Variants in SMAD6 observed in about 807,000 individuals in gnomAD.
SMAD6 encodes the protein MAD homolog 6.
SMAD6 carries 103 observed loss-of-function variants against 39.4 expected under a neutral mutation model. That is an observed-to-expected ratio of 2.62 (90% confidence interval 2.23 to 3.08). The LOEUF (loss-of-function observed/expected upper bound fraction) is 3.08. Ranked by LOEUF, SMAD6 falls within the 30% of genes most tolerant of loss-of-function variation. The pLI, the probability that SMAD6 is intolerant of heterozygous loss-of-function variation, is 0.00. For synonymous variants in SMAD6, 445 were observed against 353.3 expected (o/e 1.26, Z -2.91); for missense variants, 1,104 against 742.9 (o/e 1.49, Z -5.65).
intron 3 of SMAD6, among the ~76,000 whole-genome samples, chr15:66,753,275 G>C (rs138321251): frequency 6.6e-6 from 1 of 152,178 alleles, no homozygotes; most frequent in African/African-American, 2.4e-5. Context: ...AAGAGGGTGT[G>C]CCCAGGGAGG....
chr15:66,703,987 C>T lies in SMAD6; in HGVS notation c.729C>T (p.Pro243=), dbSNP rs1893048853. Residue 243 remains proline, a synonymous_variant, in exon 1 of 4, where the codon CCC becomes CCT. Coordinates refer to ENST00000288840, the MANE Select transcript of SMAD6 (RefSeq NM_005585.5). Reference sequence around the variant, plus strand: ...TGCAGCACGCCGTGGAGCTGAAGCCCCTGTGCGGCTGCCACAGCTTCGCCG... The same window carrying T: ...TGCAGCACGCCGTGGAGCTGAAGCCTCTGTGCGGCTGCCACAGCTTCGCCG... ...PDLQHAVELK[P]LCGCHSFAAA... The T allele has an allele frequency of 1.3e-6, 2 of 1,482,640 alleles. No homozygotes were observed. The highest frequency in any genetic ancestry group is 1.3e-5 in the South Asian group (1 of 78,882). 91.8% of individuals were successfully genotyped at this position (1,482,640 alleles called of 1,614,324 possible).
chr15:66,781,339 C>T lies in SMAD6; in HGVS notation c.1295C>T (p.Pro432Leu), dbSNP rs1363117493. ...GCCCTGGTCGTGCGCAAGGTGCCCC[C>T]CGGCTACTCCATCAAGGTGTTCGAC... ...GRALVVRKVP[P>L]GYSIKVFDFE... The change falls in exon 4 of 4, where the codon CCC becomes CTC. Residue 432 changes from proline to leucine, a missense_variant. Transcript: ENST00000288840. The T allele has an allele frequency of 6.3e-7, 1 of 1,599,022 alleles. No individual in the cohort carries two copies.
rs556285292 is a variant in SMAD6 at position 66,712,285 on chromosome 15, G to T, written c.874+561G>T. 5.9e-5 allele frequency among the ~76,000 whole-genome samples: 9 copies of T among 152,338 alleles called. No individual in the cohort carries two copies. In the South Asian group the frequency reaches 1.9e-3, roughly 32 times the overall value. Reference sequence around the variant, plus strand: ...ATGGACTGTCCCCTAGGTGAGCTTAGTGGAGTTGGTAATTTTAGACAACTC... The same window carrying T: ...ATGGACTGTCCCCTAGGTGAGCTTATTGGAGTTGGTAATTTTAGACAACTC... On this transcript the variant is annotated intron_variant, in intron 2 of 3. Transcript: ENST00000288840.
intron 3 of SMAD6, among the ~76,000 whole-genome samples, chr15:66,750,771 C>T (rs1197241238): frequency 6.6e-6 from 1 of 152,140 alleles, no homozygotes; most frequent in African/African-American, 2.4e-5. Context: ...CAATACAGAA[C>T]TCACCCCTGC....
intron 2 of SMAD6, among the ~76,000 whole-genome samples, chr15:66,712,175 C>T (rs547879937): frequency 6.6e-6 from 1 of 152,270 alleles, no homozygotes; most frequent in East Asian, 1.9e-4. Flanking sequence ...CATTTTCCCC[C>T]TTTTTAAGCC....
Position 66,703,873 on chromosome 15 carries a change from C to G in SMAD6, c.615C>G (p.Cys205Trp). 7.6e-7 allele frequency: 1 copy of G among 1,319,456 alleles called. No individual in the cohort carries two copies. Among genetic ancestry groups the G allele is most frequent in the Non-Finnish European group, 9.7e-7 (1 of 1,030,894 alleles). 81.7% of individuals were successfully genotyped at this position (1,319,456 alleles called of 1,614,324 possible). The change falls in exon 1 of 4, where the codon TGC becomes TGG. Residue 205 changes from cysteine to tryptophan, a missense_variant. By Grantham distance (215) the Cys-to-Trp change is radical. Transcript: ENST00000288840. ...CCCGCGGCGGCGTGCCGGGCGGCTG[C>G]GTGCTGGTGCCGCGCGCCGACCTCC... ...VESRGGVPGG[C>W]VLVPRADLRL... is the part of the protein sequence containing the mutation.
At chr15:66,758,493 C>T (rs537048828) in intron 3 of SMAD6, among the ~76,000 whole-genome samples, 7 of 152,222 alleles carry the variant, frequency 4.6e-5, no homozygotes, top group East Asian at 3.9e-4. Flanking sequence ...TTTGGGAGGC[C>T]GAGGTGGACG....
intron 3 of SMAD6, among the ~76,000 whole-genome samples, chr15:66,741,821 C>T (rs765872100): frequency 2.2e-4 from 33 of 152,206 alleles, no homozygotes; most frequent in Admixed American, 7.9e-4. Context: ...CAATTGCTGC[C>T]GGTCCCTCCG....
intron 2 of SMAD6, among the ~76,000 whole-genome samples, chr15:66,712,560 G>A (rs1021273676): frequency 1.3e-5 from 2 of 151,974 alleles, no homozygotes; most frequent in East Asian, 1.9e-4. Flanking sequence ...ACATGCTCCC[G>A]AGTAGCTATA....
At chr15:66,732,223 G>T (rs528520742) in intron 3 of SMAD6, among the ~76,000 whole-genome samples, 1 of 152,264 alleles carries the variant, frequency 6.6e-6, no homozygotes, top group South Asian at 2.1e-4. Context: ...TTACAGACAT[G>T]AGCCACCATG....
rs973017073 is a variant in SMAD6 at position 66,782,285 on chromosome 15, T to A, written c.*750T>A. On this transcript the variant is annotated 3_prime_UTR_variant, in exon 4 of 4. Coordinates refer to ENST00000288840, the MANE Select transcript of SMAD6 (RefSeq NM_005585.5). Reference sequence around the variant, plus strand: ...AGCTCTTCCAGTCTGATGGAGGAGGTTCATGCCCTAGCCTAGAAAGGCCCA... The same window carrying A: ...AGCTCTTCCAGTCTGATGGAGGAGGATCATGCCCTAGCCTAGAAAGGCCCA... The A allele has an allele frequency of 1.1e-5, 2 of 190,428 alleles. No homozygotes were observed. Among genetic ancestry groups the A allele is most frequent in the Non-Finnish European group, 2.1e-5 (2 of 94,536 alleles). The allele number at this position is 190,428 out of a possible 1,614,324, so 11.8% of individuals were successfully genotyped here. A position where few individuals can be genotyped will look rare whatever the true frequency, so the allele number is the denominator to read the frequency against.
At chr15:66,774,578 C>T (rs1055933558) in intron 3 of SMAD6, among the ~76,000 whole-genome samples, 3 of 152,152 alleles carry the variant, frequency 2.0e-5, no homozygotes, top group African/African-American at 7.2e-5. Context: ...TCCCCTGGGC[C>T]ACTGTGGAGC....
intron 3 of SMAD6, among the ~76,000 whole-genome samples, chr15:66,755,222 T>C (rs1894076192): frequency 6.6e-6 from 1 of 152,206 alleles, no homozygotes; most frequent in Non-Finnish European, 1.5e-5. Flanking sequence ...CACTGCCGTG[T>C]TGAAGAATCA....
At chr15:66,766,717 A>T (rs1217712176) in intron 3 of SMAD6, among the ~76,000 whole-genome samples, 1 of 151,994 alleles carries the variant, frequency 6.6e-6, no homozygotes, top group Non-Finnish European at 1.5e-5. Flanking sequence ...CCCTCCTCTC[A>T]CCTATCACAC....
intron 3 of SMAD6, among the ~76,000 whole-genome samples, chr15:66,764,328 C>T (rs1056251827): frequency 2.0e-5 from 3 of 151,262 alleles, no homozygotes; most frequent in East Asian, 1.9e-4. Context: ...CAGCTGCTTT[C>T]GGAATTATTA....
At chr15:66,723,322 A>G (rs16953584) in intron 3 of SMAD6, among the ~76,000 whole-genome samples, 33,502 of 152,174 alleles carry the variant, frequency 0.22, 4,026 homozygotes, top group Admixed American at 0.38. Flanking sequence ...CAGACAAAGG[A>G]CTTCAGGGCT....
rs1162792709 is a variant in SMAD6, at chr15:66,709,151, C to T, written c.818-2517C>T. Among the ~76,000 whole-genome samples, 3 of 152,266 alleles carry T rather than the reference C, an allele frequency of 2.0e-5. No individual in the cohort carries two copies. The East Asian group carries it at 5.8e-4, about 29-fold the overall frequency. On this transcript the variant is annotated intron_variant, in intron 1 of 3. Transcript: ENST00000288840. The stretch of plus-strand genomic sequence containing the variant: ...TTGTGTTGTGGGGTGGAGTCTAAAG[C>T]CTTCATACTTTTTTAGTTGCCTACA...
intron 3 of SMAD6, among the ~76,000 whole-genome samples, chr15:66,743,626 CAAGAA>C (rs1221135330): frequency 6.6e-6 from 1 of 151,336 alleles, no homozygotes; most frequent in Non-Finnish European, 1.5e-5. Context: ...ATTTAGAAAA[CAAGAA>C]AAGCACAAAG....
chr15:66,767,819 C>CT (rs1283722704), intron 3 of SMAD6, among the ~76,000 whole-genome samples: 1 of 152,156 alleles, frequency 6.6e-6, no homozygotes, highest in African/African-American at 2.4e-5. Context: ...ATATAGGCCT[C>CT]TGCATTCACC....
Sources: allele counts gnomAD v4.1 joint callset (sites outside exome capture counted in the v4.1 genomes callset), GRCh38; gene constraint gnomAD v4.1.1; transcripts MANE v1.5; gene names NCBI Gene and HGNC (gene_info 2026-07-23, HGNC 2026-07-21).